Variants in RAPGEF2 observed in about 807,000 individuals in gnomAD.
RAPGEF2 encodes the protein PDZ domain containing guanine nucleotide exchange factor (GEF) 1.
A neutral mutation model predicts 186.7 loss-of-function variants in RAPGEF2; 54 were observed. The ratio of observed to expected loss-of-function variants is 0.29; its 90% CI spans 0.23 to 0.36. The LOEUF is 0.36. Among genes scored for constraint, RAPGEF2 ranks in the 10% least tolerant of loss-of-function variants. The probability of loss-of-function intolerance (pLI) is 1.00; values close to 1 mark genes in which losing one functional copy is unlikely to be tolerated. For missense variants in RAPGEF2, 1,532 were observed against 2,045.0 expected (o/e 0.75, Z 4.84); for synonymous variants, 712 against 705.9 (o/e 1.01, Z -0.14).
intron 4 of RAPGEF2, among the ~76,000 whole-genome samples, chr4:159,225,709 T>G (rs1751964178): frequency 6.6e-6 from 1 of 152,082 alleles, no homozygotes; most frequent in Non-Finnish European, 1.5e-5. Flanking sequence ...CTTACTGTGG[T>G]TTTTATTTTG....
At chr4:159,314,885 T>A in intron 9 of RAPGEF2, 117 bp downstream of exon 9, 1 of 1,020,712 alleles carries the variant, frequency 9.8e-7, no homozygotes, top group Non-Finnish European at 1.4e-6. Context: ...TTTATTAATT[T>A]CCTTTGTATA....
chr4:159,265,945 A>G (rs115755763), intron 7 of RAPGEF2, among the ~76,000 whole-genome samples: 2,168 of 152,324 alleles, frequency 0.014, 29 homozygotes, highest in Non-Finnish European at 0.022. Flanking sequence ...CAGGATCACT[A>G]TGGTTCATCA....
intron 1 of RAPGEF2, among the ~76,000 whole-genome samples, chr4:159,107,601 TTAA>T (rs1294478778): frequency 6.6e-6 from 1 of 152,162 alleles, no homozygotes; most frequent in Non-Finnish European, 1.5e-5. Flanking sequence ...CTCCTCCTAT[TTAA>T]TAATCTTACT....
chr4:159,273,802 C>CT (rs1337060966), intron 7 of RAPGEF2, among the ~76,000 whole-genome samples: 1 of 151,872 alleles, frequency 6.6e-6, no homozygotes, highest in Non-Finnish European at 1.5e-5. Context: ...ATTTCTTTCT[C>CT]TTTTTTTCGA....
At chr4:159,159,213 C>T (rs999015108) in intron 1 of RAPGEF2, among the ~76,000 whole-genome samples, 2 of 152,166 alleles carry the variant, frequency 1.3e-5, no homozygotes, top group African/African-American at 2.4e-5. Context: ...TCCTGGATCA[C>T]GCAGCTGTTT....
At chr4:159,313,890 G>C (rs1425512455) in intron 8 of RAPGEF2, among the ~76,000 whole-genome samples, 1 of 152,082 alleles carries the variant, frequency 6.6e-6, no homozygotes, top group Non-Finnish European at 1.5e-5. Flanking sequence ...CTAGGATTGA[G>C]CTAGTTCAAC....
chr4:159,166,972 A>G (rs1246037796), intron 1 of RAPGEF2, among the ~76,000 whole-genome samples: 3 of 152,198 alleles, frequency 2.0e-5, no homozygotes, highest in African/African-American at 7.2e-5. Flanking sequence ...ATATTACAGC[A>G]GGGTAGGGCA....
chr4:159,320,727 T>C (rs1765142513), intron 9 of RAPGEF2, among the ~76,000 whole-genome samples: 1 of 152,174 alleles, frequency 6.6e-6, no homozygotes. Flanking sequence ...TGGGAAAATA[T>C]ATTCACAGAA....
At chr4:159,207,236 TTC>T (rs1750083977) in intron 3 of RAPGEF2, among the ~76,000 whole-genome samples, 1 of 152,196 alleles carries the variant, frequency 6.6e-6, no homozygotes, top group African/African-American at 2.4e-5. Context: ...CCTCAAATCT[TTC>T]CCATGGATTT....
chr4:159,205,663 A>T (rs1412658521), intron 3 of RAPGEF2, among the ~76,000 whole-genome samples: 3 of 152,126 alleles, frequency 2.0e-5, no homozygotes, highest in African/African-American at 7.2e-5. Context: ...TGGTTTAAAC[A>T]TGTGTAGCAC....
At chr4:159,261,160 C>G (rs1756802201) in intron 7 of RAPGEF2, among the ~76,000 whole-genome samples, 1 of 151,852 alleles carries the variant, frequency 6.6e-6, no homozygotes, top group African/African-American at 2.4e-5. Flanking sequence ...CTCCCAGGTT[C>G]ACGCCATTCT....
chr4:159,304,335 T>C lies in RAPGEF2; in HGVS notation c.544-7T>C. 1 of 1,597,864 alleles carries C rather than the reference T, an allele frequency of 6.3e-7. No individual in the cohort carries two copies. The highest frequency in any genetic ancestry group is 8.6e-7 in the Non-Finnish European group (1 of 1,168,794). On this transcript the variant is annotated splice_polypyrimidine_tract_variant and splice_region_variant and intron_variant, in intron 7 of 29. Coordinates refer to ENST00000691494, the MANE Select transcript of RAPGEF2 (RefSeq NM_001394067.2). ...TGTAATCCTAGTTTTTCCTGCTCCT[T>C]CCATAGCTTCCTGCAGATTTCACAA...
At chr4:159,277,863 C>T (rs923742911) in intron 7 of RAPGEF2, among the ~76,000 whole-genome samples, 4 of 152,044 alleles carry the variant, frequency 2.6e-5, no homozygotes, top group Non-Finnish European at 5.9e-5. Flanking sequence ...AATTTTCTCC[C>T]GTTCTGTAGG....
rs996534138 is a variant in RAPGEF2 at position 159,332,323 on chromosome 4, G to T, written c.1889-128G>T. On this transcript the variant is annotated intron_variant, in intron 16 of 29. Coordinates refer to ENST00000691494, the MANE Select transcript of RAPGEF2 (RefSeq NM_001394067.2). ...GTTTACTGTGTGATACTGTTTTTCTGCAGGTTTGCAGTTTTGATAACTGAA... is the reference window on the plus strand; with the variant it reads ...GTTTACTGTGTGATACTGTTTTTCTTCAGGTTTGCAGTTTTGATAACTGAA... 1.5e-5 allele frequency: 14 copies of T among 963,340 alleles called. 1 individual carries two copies. The South Asian group carries it at 1.8e-4, about 13-fold the overall frequency. 59.7% of individuals were successfully genotyped at this position (963,340 alleles called of 1,614,324 possible). A position where few individuals can be genotyped will look rare whatever the true frequency, so the allele number is the denominator to read the frequency against.
chr4:159,270,816 A>G (rs1427283728), intron 7 of RAPGEF2, among the ~76,000 whole-genome samples: 1 of 152,194 alleles, frequency 6.6e-6, no homozygotes, highest in Non-Finnish European at 1.5e-5. Flanking sequence ...TGGTTGATTG[A>G]TAATACTAAG....
intron 7 of RAPGEF2, among the ~76,000 whole-genome samples, chr4:159,245,748 T>C (rs1754559278): frequency 6.6e-6 from 1 of 152,046 alleles, no homozygotes; most frequent in Non-Finnish European, 1.5e-5. Flanking sequence ...CATCTTCTAT[T>C]CCTCCCCTGA....
At chr4:159,131,519 A>ATTTTTT (rs35670450) in intron 1 of RAPGEF2, among the ~76,000 whole-genome samples, 48 of 37,132 alleles carry the variant, frequency 1.3e-3, no homozygotes, top group East Asian at 2.1e-3. Context: ...ATTAATTGCT[A>ATTTTTT]TTTTTTTTTT....
At chr4:159,319,502 A>G (rs1014515731) in intron 9 of RAPGEF2, among the ~76,000 whole-genome samples, 3 of 151,990 alleles carry the variant, frequency 2.0e-5, no homozygotes, top group Admixed American at 6.6e-5. Context: ...TGCCATATAT[A>G]TATATGATTG....
intron 1 of RAPGEF2, among the ~76,000 whole-genome samples, chr4:159,173,643 G>A (rs918498712): frequency 2.0e-5 from 3 of 152,226 alleles, no homozygotes; most frequent in Middle Eastern, 3.4e-3. Context: ...TTGTGGGGAA[G>A]GTGTTTGGTT....
Sources: gnomAD v4.1 joint callset for allele counts (sites outside exome capture counted in the v4.1 genomes callset) on GRCh38, gnomAD v4.1.1 for gene constraint, MANE v1.5 for transcripts, NCBI Gene and HGNC (gene_info 2026-07-23, HGNC 2026-07-21) for gene names.